The following PRKCE variants were observed in gnomAD, a reference collection of about 807,000 sequenced individuals.
PRKCE encodes protein kinase C epsilon type.
PRKCE carries 16 observed loss-of-function variants against 85.4 expected under a neutral mutation model. The observed-to-expected ratio is 0.19, with a 90% CI of 0.13 to 0.28. The LOEUF is 0.28. Among genes scored for constraint, PRKCE ranks in the 10% least tolerant of loss-of-function variants. The pLI, the probability that PRKCE is intolerant of heterozygous loss-of-function variation, is 1.00. For synonymous variants in PRKCE, 388 were observed against 371.5 expected (o/e 1.04, Z -0.51); for missense variants, 573 against 975.2 (o/e 0.59, Z 5.49).
At chr2:46,022,652 A>G (rs1196074517) in intron 10 of PRKCE, among the ~76,000 whole-genome samples, 1 of 152,224 alleles carries the variant, frequency 6.6e-6, no homozygotes, top group Non-Finnish European at 1.5e-5. Flanking sequence ...CCAAACTCAA[A>G]CACATTTTCA....
At position 45,885,307 on chromosome 2, in the gene PRKCE, C is replaced by T. The variant is rs575815244; in HGVS notation, c.412+42244C>T. ...CTTCCAAATAAAATGATGTGTGTGTCTGGAGGGAAGGGACCTGACAAAGCT... is the reference window on the plus strand; with the variant it reads ...CTTCCAAATAAAATGATGTGTGTGTTTGGAGGGAAGGGACCTGACAAAGCT... On this transcript the variant is annotated intron_variant, in intron 2 of 14. Transcript: ENST00000306156. 2.0e-5 allele frequency among the ~76,000 whole-genome samples: 3 copies of T among 152,106 alleles called. No homozygotes were observed. In the South Asian group the frequency reaches 6.2e-4, roughly 32 times the overall value.
At chr2:46,167,999 T>A (rs1678508092) in intron 14 of PRKCE, 1 of 152,160 alleles carries the variant, frequency 6.6e-6, no homozygotes, top group Non-Finnish European at 1.5e-5. Flanking sequence ...CATTTTAGAA[T>A]TCTGATTGCA....
chr2:45,771,702 CGT>C (rs61209033), intron 1 of PRKCE, among the ~76,000 whole-genome samples: 2,642 of 146,872 alleles, frequency 0.018, 59 homozygotes, highest in African/African-American at 0.058. Flanking sequence ...CAGAGTGGGG[CGT>C]GTGTGTGTGT....
intron 2 of PRKCE, among the ~76,000 whole-genome samples, chr2:45,949,582 G>T (rs924668867): frequency 3.3e-5 from 5 of 150,870 alleles, no homozygotes; most frequent in Admixed American, 6.6e-5. Flanking sequence ...ATCATAGTTG[G>T]TGTTTGCTTT....
In PRKCE at chr2:46,114,407, C is replaced by CT. The variant is rs36107970; in HGVS notation, c.1592+28073dup. ...AATATTGCCCTCCCAGAGTCCAAGG[C>CT]TTTTTTTTTTTTTTTTTTTTTTTTT... On this transcript the variant is annotated intron_variant, in intron 11 of 14. Transcript: ENST00000306156. 3.2e-3 allele frequency among the ~76,000 whole-genome samples: 152 copies of CT among 47,728 alleles called. 23 individuals are homozygous for CT. Among genetic ancestry groups the CT allele is most frequent in the Middle Eastern group, 0.026 (1 of 38 alleles). 31.3% of individuals were successfully genotyped at this position (47,728 alleles called of 152,430 possible).
At chr2:45,898,724 G>T (rs1176587562) in intron 2 of PRKCE, among the ~76,000 whole-genome samples, 2 of 152,196 alleles carry the variant, frequency 1.3e-5, no homozygotes, top group Non-Finnish European at 2.9e-5. Context: ...AAATAGAGGA[G>T]TAGAGAGAGG....
At chr2:45,808,811 A>T (rs1688443717) in intron 1 of PRKCE, among the ~76,000 whole-genome samples, 1 of 152,162 alleles carries the variant, frequency 6.6e-6, no homozygotes, top group African/African-American at 2.4e-5. Flanking sequence ...GCTCAGTGAG[A>T]CTACCAGTTA....
At chr2:45,803,865 C>T (rs1489598936) in intron 1 of PRKCE, among the ~76,000 whole-genome samples, 1 of 152,094 alleles carries the variant, frequency 6.6e-6, no homozygotes, top group East Asian at 1.9e-4. Context: ...AGTGGGGGCT[C>T]CATGAAATAG....
At chr2:46,072,297 AC>A (rs1668147665) in intron 10 of PRKCE, among the ~76,000 whole-genome samples, 1 of 152,194 alleles carries the variant, frequency 6.6e-6, no homozygotes, top group African/African-American at 2.4e-5. Flanking sequence ...TTGTATGTTT[AC>A]GTTAGTGTAT....
At chr2:46,136,875 A>G (rs1352633764) in intron 11 of PRKCE, among the ~76,000 whole-genome samples, 2 of 152,248 alleles carry the variant, frequency 1.3e-5, no homozygotes, top group Non-Finnish European at 2.9e-5. Context: ...TCTGTTCCAC[A>G]TCATTTGTCC....
intron 11 of PRKCE, among the ~76,000 whole-genome samples, chr2:46,135,621 CA>C (rs1674896174): frequency 6.6e-6 from 1 of 151,574 alleles, no homozygotes. Context: ...TTTTCCTATG[CA>C]AAGACTTGGA....
At chr2:46,117,602 G>C (rs1359123819) in intron 11 of PRKCE, among the ~76,000 whole-genome samples, 2 of 152,126 alleles carry the variant, frequency 1.3e-5, no homozygotes, top group African/African-American at 2.4e-5. Flanking sequence ...CCTGGGATGG[G>C]ATCCTCCCTT....
At chr2:45,947,374 CG>C (rs1273308203) in intron 2 of PRKCE, among the ~76,000 whole-genome samples, 1 of 151,810 alleles carries the variant, frequency 6.6e-6, no homozygotes, top group East Asian at 1.9e-4. Flanking sequence ...CTTCTGTTTG[CG>C]GGGGATGAAA....
At chr2:45,823,366 CT>C (rs1466320910) in intron 1 of PRKCE, among the ~76,000 whole-genome samples, 1 of 152,196 alleles carries the variant, frequency 6.6e-6, no homozygotes, top group African/African-American at 2.4e-5. Context: ...TATTTCACCC[CT>C]AGTAGCTGAG....
chr2:46,180,294 G>A (rs1353825716), intron 14 of PRKCE, among the ~76,000 whole-genome samples: 1 of 152,224 alleles, frequency 6.6e-6, no homozygotes, highest in Non-Finnish European at 1.5e-5. Context: ...GCTATGCAAG[G>A]CTGGAGGCAA....
chr2:46,183,576 G>A (rs189419212), intron 14 of PRKCE, among the ~76,000 whole-genome samples: 2 of 152,254 alleles, frequency 1.3e-5, no homozygotes, highest in East Asian at 3.9e-4. Flanking sequence ...ACCTGCTATT[G>A]AAGGCCTCTG....
chr2:46,186,574 T>TG lies in PRKCE; in HGVS notation c.*1700dup, dbSNP rs759741015. The TG allele has an allele frequency of 1.2e-3, 189 of 152,288 alleles. 1 individual carries two copies. Among genetic ancestry groups the TG allele is most frequent in the Non-Finnish European group, 9.4e-4 (64 of 67,938 alleles). 9.4% of individuals were successfully genotyped at this position (152,288 alleles called of 1,614,324 possible). Reference sequence around the variant, plus strand: ...GATAGGTGTGTTCCTTTATGGGGGATGGGGGGGTGTGTTGGGGATTCTTTG... The same window carrying TG: ...GATAGGTGTGTTCCTTTATGGGGGATGGGGGGGGTGTGTTGGGGATTCTTTG... On this transcript the variant is annotated 3_prime_UTR_variant, in exon 15 of 15. Transcript: ENST00000306156.
intron 1 of PRKCE, among the ~76,000 whole-genome samples, chr2:45,766,847 C>A (rs556784329): frequency 1.3e-5 from 2 of 152,272 alleles, no homozygotes; most frequent in South Asian, 4.1e-4. Flanking sequence ...CGAGACCAGC[C>A]TGGGCAACAC....
chr2:46,012,784 C>T (rs761679429), intron 10 of PRKCE, among the ~76,000 whole-genome samples: 1 of 152,178 alleles, frequency 6.6e-6, no homozygotes, highest in Non-Finnish European at 1.5e-5. Context: ...CTCCTTTGTG[C>T]GTTGTAGAAT....
Sources: allele counts gnomAD v4.1 joint callset (sites outside exome capture counted in the v4.1 genomes callset), GRCh38; gene constraint gnomAD v4.1.1; transcripts MANE v1.5; gene names NCBI Gene and HGNC (gene_info 2026-07-23, HGNC 2026-07-21).